TRPM3: variants seen among roughly 807,000 people sequenced by gnomAD.
The protein encoded by TRPM3 is long transient receptor potential channel 3.
A neutral mutation model predicts 181.2 loss-of-function variants in TRPM3; 77 were observed. The observed-to-expected ratio is 0.42, with a 90% CI of 0.35 to 0.51. The LOEUF (loss-of-function observed/expected upper bound fraction) is 0.51, where lower values mean the gene tolerates loss of function less well. Among genes scored for constraint, TRPM3 ranks in the 20% least tolerant of loss-of-function variants. The pLI is 0.01. For synonymous variants in TRPM3, 745 were observed against 796.4 expected, an observed-to-expected ratio of 0.94 and a Z score of 1.09; for missense variants, 1,759 against 2,196.7, an observed-to-expected ratio of 0.80 and a Z score of 3.98.
chr9:70,790,272 C>T (rs2085053160), intron 6 of TRPM3, among the ~76,000 whole-genome samples: 1 of 152,148 alleles, frequency 6.6e-6, no homozygotes, highest in African/African-American at 2.4e-5. Flanking sequence ...CTACCTACAT[C>T]TTAATGACTA....
At chr9:71,405,310 TA>T (rs941527895) in intron 1 of TRPM3, among the ~76,000 whole-genome samples, 16 of 152,168 alleles carry the variant, frequency 1.1e-4, no homozygotes, top group African/African-American at 3.1e-4. Context: ...AAATTTTTTT[TA>T]AAAAAATCTT....
At chr9:70,618,432 A>G (rs923296424) in intron 17 of TRPM3, among the ~76,000 whole-genome samples, 1 of 152,348 alleles carries the variant, frequency 6.6e-6, no homozygotes, top group East Asian at 1.9e-4. Context: ...TTAGTTTAAA[A>G]AGACCTCTCA....
chr9:70,981,190 A>G (rs2097360391), intron 1 of TRPM3, among the ~76,000 whole-genome samples: 1 of 152,172 alleles, frequency 6.6e-6, no homozygotes, highest in Non-Finnish European at 1.5e-5. Context: ...AGAGCTTCAG[A>G]GGTCTTGATT....
At chr9:70,854,041 G>T (rs766391809) in intron 3 of TRPM3, among the ~76,000 whole-genome samples, 1 of 152,252 alleles carries the variant, frequency 6.6e-6, no homozygotes, top group African/African-American at 2.4e-5. Flanking sequence ...CTCATGTGCC[G>T]ACTCAGCAGC....
intron 22 of TRPM3, among the ~76,000 whole-genome samples, chr9:70,559,427 GT>G (rs975239801): frequency 2.0e-5 from 3 of 152,134 alleles, no homozygotes; most frequent in Non-Finnish European, 4.4e-5. Flanking sequence ...AGATTTTTTG[GT>G]TTTTGGTTTT....
At chr9:71,363,106 A>C (rs2092217009) in intron 1 of TRPM3, among the ~76,000 whole-genome samples, 1 of 152,244 alleles carries the variant, frequency 6.6e-6, no homozygotes, top group South Asian at 2.1e-4. Flanking sequence ...GGTCCTTCAT[A>C]CAATTTTCAT....
At chr9:70,773,681 G>A (rs2080794304) in intron 7 of TRPM3, among the ~76,000 whole-genome samples, 1 of 152,034 alleles carries the variant, frequency 6.6e-6, no homozygotes, top group Admixed American at 6.6e-5. Flanking sequence ...TTGTCTCTCA[G>A]TCCAGATCCA....
chr9:70,923,810 C>A (rs1236839985), intron 1 of TRPM3, among the ~76,000 whole-genome samples: 1 of 134,338 alleles, frequency 7.4e-6, no homozygotes, highest in Admixed American at 7.4e-5. Context: ...CACACTCTCT[C>A]TCTCTCTCTC....
At chr9:71,297,385 T>A (rs1461277746) in intron 1 of TRPM3, among the ~76,000 whole-genome samples, 1 of 152,200 alleles carries the variant, frequency 6.6e-6, no homozygotes, top group Non-Finnish European at 1.5e-5. Flanking sequence ...ATTCTCATGC[T>A]GCTATAAACA....
At chr9:70,680,219 G>A (rs865950248) in intron 9 of TRPM3, among the ~76,000 whole-genome samples, 24 of 152,134 alleles carry the variant, frequency 1.6e-4, no homozygotes, top group African/African-American at 5.3e-4. Context: ...AACCTTTAGC[G>A]AATTACTTAA....
rs754266950 is a variant in TRPM3, at chr9:70,536,903, C to A, written c.4210G>T (p.Asp1404Tyr). ...APANTLAIVPDSRRPSSCIDI... is the reference protein window; with the variant it reads ...APANTLAIVPYSRRPSSCIDI... ...ATACACGATGATGGTCTTCTGGAAT[C>A]AGGAACAATGGCCAAGGTGTTGGCA... The change falls in exon 26 of 26, where the codon GAT becomes TAT. Residue 1404 changes from aspartate to tyrosine, a missense_variant. This residue lies in a region of TRPM3 where 612 missense variants were observed against 590.0 expected (regional missense o/e 1.04). Transcript: ENST00000677713. 1.2e-6 allele frequency: 2 copies of A among 1,614,216 alleles called. No individual in the cohort carries two copies. The highest frequency in any genetic ancestry group is 1.7e-6 in the Non-Finnish European group (2 of 1,180,050).
At chr9:71,204,861 C>A (rs1249695475) in intron 1 of TRPM3, among the ~76,000 whole-genome samples, 1 of 152,166 alleles carries the variant, frequency 6.6e-6, no homozygotes, top group Non-Finnish European at 1.5e-5. Context: ...GGCACATATA[C>A]ACCATGGAAT....
intron 1 of TRPM3, among the ~76,000 whole-genome samples, chr9:71,000,291 C>T (rs1223674059): frequency 2.0e-5 from 3 of 152,160 alleles, no homozygotes; most frequent in Non-Finnish European, 4.4e-5. Context: ...TTCTATTTGG[C>T]TGAACACTGA....
intron 22 of TRPM3, among the ~76,000 whole-genome samples, chr9:70,576,491 TCC>T (rs2053979255): frequency 6.7e-6 from 1 of 149,734 alleles, no homozygotes; most frequent in South Asian, 2.1e-4. Context: ...CTCCTCCTCC[TCC>T]TCCTCCTCCT....
chr9:70,986,097 T>C (rs1424614361), intron 1 of TRPM3, among the ~76,000 whole-genome samples: 1 of 152,214 alleles, frequency 6.6e-6, no homozygotes, highest in Admixed American at 6.5e-5. Flanking sequence ...CTGTGGCTCA[T>C]GCTTGTAATA....
chr9:71,040,322 T>G (rs1224161653), intron 1 of TRPM3, among the ~76,000 whole-genome samples: 1 of 152,230 alleles, frequency 6.6e-6, no homozygotes, highest in Non-Finnish European at 1.5e-5. Flanking sequence ...TGAAGCTCTC[T>G]CTATAACAGA....
At chr9:70,782,732 C>T (rs1447037424) in intron 7 of TRPM3, among the ~76,000 whole-genome samples, 1 of 151,710 alleles carries the variant, frequency 6.6e-6, no homozygotes, top group African/African-American at 2.4e-5. Flanking sequence ...AGTAATTTAA[C>T]TAAATTTGCC....
At chr9:71,338,366 C>T (rs868585035) in intron 1 of TRPM3, among the ~76,000 whole-genome samples, 2 of 152,028 alleles carry the variant, frequency 1.3e-5, no homozygotes, top group Non-Finnish European at 2.9e-5. Flanking sequence ...AGGGAAATGG[C>T]GGAAGGCAAA....
intron 1 of TRPM3, among the ~76,000 whole-genome samples, chr9:71,133,291 G>GTTTTTTTTTTTT (rs1587556717): frequency 1.8e-4 from 3 of 16,926 alleles, no homozygotes; most frequent in South Asian, 4.1e-3. Flanking sequence ...CTAGCAAATT[G>GTTTTTTTTTTTT]CTTTTTTTTT....
Sources: gnomAD v4.1 joint callset for allele counts (sites outside exome capture counted in the v4.1 genomes callset) on GRCh38, gnomAD v4.1.1 for gene constraint, gnomAD v4.1.1 regional missense constraint, MANE v1.5 for transcripts, NCBI Gene and HGNC (gene_info 2026-07-23, HGNC 2026-07-21) for gene names.